GDAP1: variants seen among roughly 807,000 people sequenced by gnomAD.
GDAP1 encodes ganglioside induced differentiation associated protein 1, also known as ganglioside-induced differentiation-associated protein 1.
GDAP1 carries 34 observed loss-of-function variants against 40.1 expected under a neutral mutation model. The observed-to-expected ratio is 0.85, with a 90% CI of 0.64 to 1.13. GDAP1 has a LOEUF of 1.13. Among genes scored for constraint, GDAP1 ranks in the 50% most tolerant of loss-of-function variants. The pLI, the probability that GDAP1 is intolerant of heterozygous loss-of-function variation, is 0.00. For missense variants in GDAP1, 374 were observed against 433.7 expected (o/e 0.86, Z 1.22); for synonymous variants, 170 against 157.4 (o/e 1.08, Z -0.60).
At chr8:74,442,001 T>C (rs963519520) in intron 2 of GDAP1, among the ~76,000 whole-genome samples, 1 of 152,212 alleles carries the variant, frequency 6.6e-6, no homozygotes, top group African/African-American at 2.4e-5. Context: ...TTTCTTAGTC[T>C]ATTATTTCTG....
chr8:74,431,198 G>T (rs1362877652), intron 2 of GDAP1, among the ~76,000 whole-genome samples: 4 of 149,660 alleles, frequency 2.7e-5, no homozygotes, highest in African/African-American at 9.9e-5. Flanking sequence ...TGATATTTAT[G>T]AGCTAATTGG....
At position 74,454,185 on chromosome 8, in the gene GDAP1, A is replaced by G. The variant is rs1245245700; in HGVS notation, c.166-34493A>G. Among the ~76,000 whole-genome samples the G allele has an allele frequency of 2.4e-5, 2 of 83,872 alleles. 1 individual carries two copies. The highest frequency in any genetic ancestry group is 4.9e-5 in the Non-Finnish European group (2 of 41,214). 55.0% of individuals were successfully genotyped at this position (83,872 alleles called of 152,430 possible). ...AGGAAAAATGTTCACCAAACTATAA[A>G]CTACAGAAATGAGTCTGAACACTTT... On this transcript the variant is annotated intron_variant, in intron 2 of 2. Transcript: ENST00000523640.
intron 2 of GDAP1, among the ~76,000 whole-genome samples, chr8:74,476,549 C>T (rs1397625057): frequency 2.0e-5 from 3 of 152,124 alleles, no homozygotes; most frequent in Non-Finnish European, 4.4e-5. Flanking sequence ...GAAGCTTAGT[C>T]TGGCAGGATA....
At chr8:74,369,507 G>A (rs889746771), downstream of GDAP1, among the ~76,000 whole-genome samples, 3 of 152,060 alleles carry the variant, frequency 2.0e-5, no homozygotes, top group Admixed American at 1.3e-4. Context: ...ATGGAAGATG[G>A]CAAAAGGAAG....
At chr8:74,353,736 T>G (rs1006250217) in intron 2 of GDAP1, among the ~76,000 whole-genome samples, 1 of 152,220 alleles carries the variant, frequency 6.6e-6, no homozygotes, top group African/African-American at 2.4e-5. Flanking sequence ...AATCTTTGTT[T>G]TAACAAGAGC....
intron 2 of GDAP1, among the ~76,000 whole-genome samples, chr8:74,425,314 T>C (rs1351765484): frequency 6.6e-6 from 1 of 152,238 alleles, no homozygotes. Context: ...AAAGTACTTA[T>C]GATTAACCTT....
At chr8:74,485,755 T>C (rs1806768476) in intron 2 of GDAP1, among the ~76,000 whole-genome samples, 3 of 151,780 alleles carry the variant, frequency 2.0e-5, no homozygotes, top group Admixed American at 6.6e-5. Context: ...TGTGCCCCAC[T>C]GAGGAAACCA....
rs112203434 is a variant in GDAP1 at position 74,381,068 on chromosome 8, G to A, written c.165+29747G>A. Among the ~76,000 whole-genome samples, 810 of 136,268 alleles carry A rather than the reference G, an allele frequency of 5.9e-3. 7 individuals carry two copies. The highest frequency in any genetic ancestry group is 0.022 in the African/African-American group (778 of 35,558). The allele number at this position is 136,268 out of a possible 152,430, so 89.4% of individuals were successfully genotyped here. ...AAGGGGGATGAAGAAATGTGGGGGT[G>A]AGGGATGTTATTTGAGTGTGTGTGT... On this transcript the variant is annotated intron_variant, in intron 2 of 2. Coordinates refer to the GDAP1 transcript ENST00000523640.
intron 2 of GDAP1, among the ~76,000 whole-genome samples, chr8:74,394,398 G>A (rs945656553): frequency 6.6e-6 from 1 of 152,182 alleles, no homozygotes; most frequent in African/African-American, 2.4e-5. Context: ...ATTCTCAGGT[G>A]AGTGTTTGCC....
chr8:74,400,090 A>G (rs769074932), intron 2 of GDAP1, among the ~76,000 whole-genome samples: 6 of 148,424 alleles, frequency 4.0e-5, no homozygotes, highest in Non-Finnish European at 7.4e-5. Context: ...GCTGAGTTCA[A>G]TTCCTGGGTA....
intron 2 of GDAP1, among the ~76,000 whole-genome samples, chr8:74,400,912 C>A (rs1234208463): frequency 6.7e-6 from 1 of 149,666 alleles, no homozygotes; most frequent in East Asian, 1.9e-4. Context: ...GGGTTTCTGC[C>A]GAGAGATCCG....
At chr8:74,428,321 A>G (rs149280731) in intron 2 of GDAP1, among the ~76,000 whole-genome samples, 74 of 152,322 alleles carry the variant, frequency 4.9e-4, no homozygotes, top group East Asian at 4.6e-3. Context: ...TGATCTTTGA[A>G]GAGATGTTGC....
chr8:74,377,940 T>C (rs1809884729), intron 2 of GDAP1, among the ~76,000 whole-genome samples: 1 of 151,632 alleles, frequency 6.6e-6, no homozygotes, highest in Non-Finnish European at 1.5e-5. Flanking sequence ...AATTCATAGA[T>C]AAAAAGAGAA....
intron 2 of GDAP1, among the ~76,000 whole-genome samples, chr8:74,476,179 T>C (rs1563479900): frequency 6.6e-6 from 1 of 152,188 alleles, no homozygotes; most frequent in African/African-American, 2.4e-5. Context: ...ATGTGTGTCA[T>C]TGCATGTGAA....
chr8:74,360,659 A>G (rs1809317616), intron 3 of GDAP1, among the ~76,000 whole-genome samples: 1 of 152,204 alleles, frequency 6.6e-6, no homozygotes, highest in Non-Finnish European at 1.5e-5. Context: ...GCCTAGGATT[A>G]TGGGCAGTTG....
At chr8:74,423,472 G>A (rs1418175889) in intron 2 of GDAP1, among the ~76,000 whole-genome samples, 1 of 149,386 alleles carries the variant, frequency 6.7e-6, no homozygotes, top group Non-Finnish European at 1.5e-5. Flanking sequence ...GTTTTACACA[G>A]ATTGGGTGTT....
intron 2 of GDAP1, among the ~76,000 whole-genome samples, chr8:74,427,432 A>G (rs1428907569): frequency 1.3e-5 from 2 of 152,184 alleles, no homozygotes; most frequent in Non-Finnish European, 2.9e-5. Context: ...TAACTGGTAG[A>G]ACCTATAAAA....
At chr8:74,444,404 T>C (rs1346963171) in intron 2 of GDAP1, among the ~76,000 whole-genome samples, 3 of 152,200 alleles carry the variant, frequency 2.0e-5, no homozygotes, top group Non-Finnish European at 4.4e-5. Context: ...ATGAAAACTC[T>C]GGGTTGTCAG....
At chr8:74,438,009 G>A (rs990375647) in intron 2 of GDAP1, among the ~76,000 whole-genome samples, 2 of 151,992 alleles carry the variant, frequency 1.3e-5, no homozygotes, top group African/African-American at 4.8e-5. Context: ...GGTGGCTCAC[G>A]CCTGTAATCC....
Sources: gnomAD v4.1 joint callset for allele counts (sites outside exome capture counted in the v4.1 genomes callset) on GRCh38, gnomAD v4.1.1 for gene constraint, MANE v1.5 for transcripts, NCBI Gene and HGNC (gene_info 2026-07-23, HGNC 2026-07-21) for gene names.